ARL15: variants seen among roughly 807,000 people sequenced by gnomAD.
The protein encoded by ARL15 is ARF like GTPase 15, also known as ADP-ribosylation factor-like protein 15.
A neutral mutation model predicts 25.2 loss-of-function variants in ARL15; 19 were observed. The observed-to-expected ratio is 0.75, with a 90% CI of 0.53 to 1.10. The LOEUF is 1.10. ARL15 is among the 50% of genes least tolerant of loss of function. ARL15 has a pLI of 0.00. For missense variants in ARL15, 220 were observed against 246.0 expected, an observed-to-expected ratio of 0.89 and a Z score of 0.71; for synonymous variants, 94 against 86.8, an observed-to-expected ratio of 1.08 and a Z score of -0.46.
intron 1 of ARL15, among the ~76,000 whole-genome samples, chr5:54,228,398 C>T (rs1311285417): frequency 6.6e-6 from 1 of 152,080 alleles, no homozygotes; most frequent in Non-Finnish European, 1.5e-5. Context: ...AGAATAGGTT[C>T]AATATTCAGG....
chr5:54,272,134 T>TTTTTTA (rs1757803086), intron 1 of ARL15, among the ~76,000 whole-genome samples: 28 of 139,582 alleles, frequency 2.0e-4, no homozygotes, highest in Non-Finnish European at 3.3e-4. Flanking sequence ...TTTTTTTTTT[T>TTTTTTA]GAAGACTAGG....
intron 4 of ARL15, among the ~76,000 whole-genome samples, chr5:53,961,067 A>C (rs1747347571): frequency 6.6e-6 from 1 of 152,186 alleles, no homozygotes; most frequent in Non-Finnish European, 1.5e-5. Flanking sequence ...GGACTGGGGA[A>C]TACCAAAGAT....
intron 4 of ARL15, among the ~76,000 whole-genome samples, chr5:53,983,555 C>T (rs1281670128): frequency 1.3e-5 from 2 of 152,176 alleles, no homozygotes; most frequent in Non-Finnish European, 1.5e-5. Context: ...ACTCCTGTTT[C>T]CCTATAACTG....
chr5:54,083,928 G>T (rs944837976), intron 4 of ARL15, among the ~76,000 whole-genome samples: 1 of 152,052 alleles, frequency 6.6e-6, no homozygotes, highest in African/African-American at 2.4e-5. Context: ...AGTAGGGAGG[G>T]GGCTGGAGAA....
intron 4 of ARL15, chr5:54,067,281 T>C (rs1011792346): frequency 2.0e-5 from 3 of 152,506 alleles, no homozygotes; most frequent in Non-Finnish European, 4.4e-5. Context: ...TTTTTTTCAG[T>C]ATCTGCATCA....
intron 1 of ARL15, among the ~76,000 whole-genome samples, chr5:54,289,239 T>C (rs1367960398): frequency 6.6e-6 from 1 of 152,144 alleles, no homozygotes; most frequent in Non-Finnish European, 1.5e-5. Context: ...TGCCCAGCCA[T>C]GTCCCATGCT....
rs1327516059 is a variant in ARL15 at position 54,134,667 on chromosome 5, C to A, written c.253+19913G>T. The stretch of plus-strand genomic sequence containing the variant: ...TGGCACAATCTCGGCTCACTGCAAC[C>A]TCTGCCTCCCGGGTTCAAGCGATTC... On this transcript the variant is annotated intron_variant, in intron 3 of 4. Transcript: ENST00000504924. 9.3e-5 allele frequency among the ~76,000 whole-genome samples: 13 copies of A among 140,438 alleles called. No homozygotes were observed. The Admixed American group carries it at 9.8e-4, about 11-fold the overall frequency. The allele number at this position is 140,438 out of a possible 152,430, so 92.1% of individuals were successfully genotyped here.
chr5:54,300,470 A>T (rs1360237386), intron 1 of ARL15, among the ~76,000 whole-genome samples: 1 of 152,216 alleles, frequency 6.6e-6, no homozygotes, highest in East Asian at 1.9e-4. Flanking sequence ...TCTGATTACA[A>T]CTTCATGAGG....
chr5:54,251,295 A>G (rs139492963), intron 1 of ARL15, among the ~76,000 whole-genome samples: 7 of 152,334 alleles, frequency 4.6e-5, no homozygotes, highest in African/African-American at 1.4e-4. Flanking sequence ...AGAAAGAGAT[A>G]CGTCTGTAGG....
intron 4 of ARL15, among the ~76,000 whole-genome samples, chr5:54,077,031 C>T (rs989111379): frequency 2.6e-5 from 4 of 152,062 alleles, no homozygotes; most frequent in African/African-American, 9.7e-5. Context: ...CAAGTAACCC[C>T]AAAGATGTTT....
Position 54,239,036 on chromosome 5 carries a change from C to G in ARL15, c.49-67108G>C, listed in dbSNP as rs33281. On this transcript the variant is annotated intron_variant, in intron 1 of 4. Transcript: ENST00000504924. Reference sequence around the variant, plus strand: ...TACAGCAGTTAGTGAGTGACAGAATCAAGACTCAGATGAGGTCCTCTGACT... The same window carrying G: ...TACAGCAGTTAGTGAGTGACAGAATGAAGACTCAGATGAGGTCCTCTGACT... 3.9e-5 allele frequency among the ~76,000 whole-genome samples: 6 copies of G among 152,282 alleles called. No individual in the cohort carries two copies. In the East Asian group the frequency reaches 1.2e-3, roughly 29 times the overall value.
At chr5:54,070,150 G>A (rs930077908) in intron 4 of ARL15, among the ~76,000 whole-genome samples, 7 of 151,640 alleles carry the variant, frequency 4.6e-5, no homozygotes, top group East Asian at 4.0e-4. Flanking sequence ...CAGCACTTTG[G>A]GAGGCCGAGG....
chr5:54,071,518 C>T (rs75420035), intron 4 of ARL15, among the ~76,000 whole-genome samples: 38,127 of 134,594 alleles, frequency 0.28, 8,188 homozygotes, highest in African/African-American at 0.54. Context: ...TTTCCCCCCC[C>T]CCCCCCCGCA....
At chr5:54,082,904 T>G (rs1046495571) in intron 4 of ARL15, among the ~76,000 whole-genome samples, 8 of 152,194 alleles carry the variant, frequency 5.3e-5, no homozygotes, top group Non-Finnish European at 1.2e-4. Context: ...AGACCTAGAT[T>G]TGAACTAATT....
intron 4 of ARL15, among the ~76,000 whole-genome samples, chr5:54,102,157 C>G (rs1383685915): frequency 6.6e-6 from 1 of 151,712 alleles, no homozygotes; most frequent in African/African-American, 2.4e-5. Flanking sequence ...GAATTACAGG[C>G]GTGCACCACC....
intron 1 of ARL15, among the ~76,000 whole-genome samples, chr5:54,299,572 G>GTTAGCTA (rs928196225): frequency 7.5e-6 from 1 of 133,940 alleles, no homozygotes; most frequent in Non-Finnish European, 1.6e-5. Context: ...AACAATAAAT[G>GTTAGCTA]TTAGCTATTA....
intron 4 of ARL15, among the ~76,000 whole-genome samples, chr5:54,022,348 CCT>C (rs942808954): frequency 1.3e-5 from 2 of 151,868 alleles, no homozygotes; most frequent in Admixed American, 1.3e-4. Context: ...CCCTGCTGCC[CCT>C]GTCTCTCATC....
intron 4 of ARL15, among the ~76,000 whole-genome samples, chr5:53,936,435 A>G (rs970757842): frequency 6.6e-6 from 1 of 152,216 alleles, no homozygotes; most frequent in Non-Finnish European, 1.5e-5. Context: ...ACCTATGTGC[A>G]TATCTATGAC....
At chr5:54,173,354 G>A (rs1177677866) in intron 1 of ARL15, among the ~76,000 whole-genome samples, 2 of 152,014 alleles carry the variant, frequency 1.3e-5, no homozygotes, top group Non-Finnish European at 2.9e-5. Flanking sequence ...AATGATTCAT[G>A]AGAGAAAGAG....
Sources: gnomAD v4.1 joint callset for allele counts (sites outside exome capture counted in the v4.1 genomes callset) on GRCh38, gnomAD v4.1.1 for gene constraint, MANE v1.5 for transcripts, NCBI Gene and HGNC (gene_info 2026-07-23, HGNC 2026-07-21) for gene names.